The following LINGO1 variants were observed in gnomAD, a reference collection of about 807,000 sequenced individuals.
LINGO1 encodes the protein leucine rich repeat and Ig domain containing 1, also known as leucine-rich repeat and immunoglobulin-like domain-containing nogo receptor-interacting protein 1.
Under a neutral mutation model 37.3 loss-of-function variants are expected in LINGO1, and 11 were observed. The observed-to-expected ratio is 0.29, with a 90% CI of 0.19 to 0.49. The LOEUF (loss-of-function observed/expected upper bound fraction) is 0.49. Ranked by LOEUF, LINGO1 falls within the 20% of genes least tolerant of loss-of-function variation. The pLI, the probability that LINGO1 is intolerant of heterozygous loss-of-function variation, is 0.99. For missense variants in LINGO1, 585 were observed against 878.2 expected (o/e 0.67, Z 4.22); for synonymous variants, 387 against 403.0 (o/e 0.96, Z 0.48).
In LINGO1 at chr15:77,743,357, G is replaced by A. The variant is rs557143026; in HGVS notation, c.-256-8304C>T. On this transcript the variant is annotated intron_variant, in intron 1 of 3. Transcript: ENST00000561686. ...GGCCCCTATGTACTCTGTAAAAGGA[G>A]GGGCATGACTCCTTTCCCCCATTAC... Among the ~76,000 whole-genome samples the A allele has an allele frequency of 2.0e-5, 3 of 152,302 alleles. No individual in the cohort carries two copies. The East Asian group carries it at 5.8e-4, about 29-fold the overall frequency.
intron 1 of LINGO1, among the ~76,000 whole-genome samples, chr15:77,801,664 G>C (rs966341247): frequency 3.9e-5 from 6 of 152,006 alleles, no homozygotes; most frequent in East Asian, 1.9e-4. Context: ...CTGGCTAAAG[G>C]GGGAGGGGAC....
At chr15:77,676,116 C>T (rs2075323321) in intron 3 of LINGO1, among the ~76,000 whole-genome samples, 1 of 152,240 alleles carries the variant, frequency 6.6e-6, no homozygotes, top group Admixed American at 6.5e-5. Context: ...CTGCCCCAGA[C>T]CCCAGGTCTC....
chr15:77,629,821 C>T (rs1023073233), intron 1 of LINGO1, among the ~76,000 whole-genome samples: 4 of 152,114 alleles, frequency 2.6e-5, no homozygotes, highest in African/African-American at 7.2e-5. Context: ...CAAATGCATG[C>T]GTGACTGGGC....
intron 1 of LINGO1, among the ~76,000 whole-genome samples, chr15:77,814,495 T>C (rs1596255304): frequency 6.6e-6 from 1 of 152,214 alleles, no homozygotes; most frequent in African/African-American, 2.4e-5. Context: ...TACCTGGACA[T>C]TGAAACTCCA....
intron 1 of LINGO1, among the ~76,000 whole-genome samples, chr15:77,694,172 C>T (rs534688299): frequency 1.1e-3 from 161 of 152,184 alleles, no homozygotes; most frequent in African/African-American, 3.8e-3. Context: ...CGGACTGAAG[C>T]GGGTGTTACA....
At chr15:77,789,438 C>T (rs1409342531), upstream of LINGO1, among the ~76,000 whole-genome samples, 1 of 152,084 alleles carries the variant, frequency 6.6e-6, no homozygotes, top group Non-Finnish European at 1.5e-5. Context: ...GAAACCCCAT[C>T]TCTACTAAAA....
chr15:77,758,040 G>A (rs8030681), intron 1 of LINGO1, among the ~76,000 whole-genome samples: 29,147 of 152,198 alleles, frequency 0.19, 4,594 homozygotes, highest in African/African-American at 0.44. Flanking sequence ...CCAGCTTTCA[G>A]CAAAGTGAGG....
chr15:77,635,953 C>T (rs536652797), upstream of LINGO1, among the ~76,000 whole-genome samples: 5 of 152,360 alleles, frequency 3.3e-5, no homozygotes, highest in East Asian at 1.9e-4. Context: ...TGGGTTTGCC[C>T]GGGAACACAG....
chr15:77,776,541 G>GAA (rs1177758668), intron 1 of LINGO1, among the ~76,000 whole-genome samples: 3 of 146,902 alleles, frequency 2.0e-5, no homozygotes, highest in Admixed American at 6.7e-5. Flanking sequence ...AGGGAGGGAG[G>GAA]GAGGGAGGGA....
In LINGO1 at chr15:77,660,691, C is replaced by T. The variant is rs182224734; in HGVS notation, c.-13+16398G>A. ...TGAATTAAGGGACTTCATACATGCA[C>T]AGTGTTTAGAACAGTGCCTTCCTGG... On this transcript the variant is annotated intron_variant, in intron 3 of 3. Coordinates refer to the LINGO1 transcript ENST00000559893. Among the ~76,000 whole-genome samples, 12 of 152,342 alleles carry T rather than the reference C, an allele frequency of 7.9e-5. No homozygotes were observed. The East Asian group carries it at 2.3e-3, about 29-fold the overall frequency.
intron 1 of LINGO1, among the ~76,000 whole-genome samples, chr15:77,745,051 G>A (rs1271280900): frequency 3.3e-5 from 5 of 151,360 alleles, no homozygotes; most frequent in Admixed American, 2.0e-4. Context: ...CTGGGAGGTG[G>A]AGGTTGCAGT....
At chr15:77,749,275 C>A (rs2076347699) in intron 1 of LINGO1, among the ~76,000 whole-genome samples, 1 of 152,156 alleles carries the variant, frequency 6.6e-6, no homozygotes, top group Admixed American at 6.5e-5. Flanking sequence ...CTGCTCCATT[C>A]CAGGCTACTC....
intron 1 of LINGO1, among the ~76,000 whole-genome samples, chr15:77,781,553 C>G (rs2076716860): frequency 6.6e-6 from 1 of 152,196 alleles, no homozygotes; most frequent in South Asian, 2.1e-4. Context: ...TCTAAAGGCT[C>G]CTTAGAAGGC....
chr15:77,800,236 G>C (rs1042933221), intron 1 of LINGO1, among the ~76,000 whole-genome samples: 2 of 152,212 alleles, frequency 1.3e-5, no homozygotes, highest in African/African-American at 4.8e-5. Context: ...GAGGGCAAGG[G>C]GGGCACATTC....
chr15:77,692,990 C>T (rs751673933), intron 1 of LINGO1, among the ~76,000 whole-genome samples: 2 of 152,228 alleles, frequency 1.3e-5, no homozygotes, highest in Non-Finnish European at 2.9e-5. Context: ...CACAGGGACA[C>T]GTGTGTCTCC....
chr15:77,726,611 C>T (rs1274094355), intron 2 of LINGO1, among the ~76,000 whole-genome samples: 1 of 152,228 alleles, frequency 6.6e-6, no homozygotes, highest in African/African-American at 2.4e-5. Context: ...GGGTGAAAGA[C>T]CTAAACACAA....
rs996657611 is a variant in LINGO1, at chr15:77,769,344, T to C, written c.-257+17525A>G. ...TCTGGCAGGGCCACTTGCCTTCTCC[T>C]ACCTACCCACAGTAATTAGCTTCAA... is the stretch of plus-strand genomic sequence containing the variant. On this transcript the variant is annotated intron_variant, in intron 1 of 3. Transcript: ENST00000561686. 5.9e-5 allele frequency among the ~76,000 whole-genome samples: 9 copies of C among 152,264 alleles called. 1 individual carries two copies. Among genetic ancestry groups the C allele is most frequent in the Admixed American group, 5.9e-4 (9 of 15,298 alleles).
chr15:77,690,281 C>A (rs146959167), intron 2 of LINGO1, among the ~76,000 whole-genome samples: 4 of 152,172 alleles, frequency 2.6e-5, no homozygotes, highest in Non-Finnish European at 4.4e-5. Flanking sequence ...GAGATCAACT[C>A]GAGGACTTTC....
intron 1 of LINGO1, among the ~76,000 whole-genome samples, chr15:77,628,799 T>G (rs2074168518): frequency 6.6e-6 from 1 of 152,202 alleles, no homozygotes; most frequent in South Asian, 2.1e-4. Flanking sequence ...AAGAAGGCAT[T>G]CTAGACTGAA....
Sources: gnomAD v4.1 joint callset for allele counts (sites outside exome capture counted in the v4.1 genomes callset) on GRCh38, gnomAD v4.1.1 for gene constraint, MANE v1.5 for transcripts, NCBI Gene and HGNC (gene_info 2026-07-23, HGNC 2026-07-21) for gene names.